The following NRXN1 variants were observed in gnomAD, a reference collection of about 807,000 sequenced individuals.
NRXN1 encodes the protein neurexin 1, also known as neurexin-1.
In NRXN1, 39 loss-of-function variants were observed where a neutral mutation model predicts 150.9. That is an observed-to-expected ratio of 0.26 (90% CI 0.20 to 0.34). NRXN1 has a LOEUF of 0.34. Among genes scored for constraint, NRXN1 ranks in the 10% least tolerant of loss-of-function variants. The pLI is 1.00. For synonymous variants in NRXN1, 924 were observed against 757.0 expected, an observed-to-expected ratio of 1.22 and a Z score of -3.62; for missense variants, 1,815 against 1,949.9, an observed-to-expected ratio of 0.93 and a Z score of 1.30.
At chr2:50,551,047 AGAG>A (rs1290526434) in intron 9 of NRXN1, among the ~76,000 whole-genome samples, 414 of 125,438 alleles carry the variant, frequency 3.3e-3, no homozygotes, top group East Asian at 0.01. Flanking sequence ...AGGAAGAGGA[AGAG>A]GAAGAAGAAG....
chr2:50,110,491 C>CAAAAAAAAAAAAA (rs5831088), intron 18 of NRXN1, among the ~76,000 whole-genome samples: 3 of 85,628 alleles, frequency 3.5e-5, no homozygotes, highest in African/African-American at 9.0e-5. Context: ...GACTCTGTCT[C>CAAAAAAAAAAAAA]AAAAAAAAAA....
chr2:50,718,168 A>G (rs1408444501), intron 5 of NRXN1, among the ~76,000 whole-genome samples: 1 of 152,198 alleles, frequency 6.6e-6, no homozygotes, highest in African/African-American at 2.4e-5. Flanking sequence ...TTTTTGAGCC[A>G]TGGTTTCAGA....
intron 5 of NRXN1, among the ~76,000 whole-genome samples, chr2:50,811,289 C>A (rs17569242): frequency 0.11 from 16,737 of 152,114 alleles, 1,185 homozygotes; most frequent in East Asian, 0.15. Context: ...CAGTTATTCA[C>A]ACACTTAAAT....
intron 5 of NRXN1, among the ~76,000 whole-genome samples, chr2:50,639,294 C>T (rs1337081013): frequency 6.7e-6 from 1 of 148,566 alleles, no homozygotes; most frequent in Non-Finnish European, 1.5e-5. Flanking sequence ...GATCTCAGCT[C>T]ATTGCAATCT....
intron 5 of NRXN1, among the ~76,000 whole-genome samples, chr2:50,756,608 T>C (rs973097512): frequency 6.6e-6 from 1 of 151,812 alleles, no homozygotes; most frequent in Non-Finnish European, 1.5e-5. Flanking sequence ...ATTATTTAGA[T>C]GGACAGAGCT....
intron 2 of NRXN1, among the ~76,000 whole-genome samples, chr2:50,952,882 T>C (rs1387260056): frequency 6.6e-6 from 1 of 152,222 alleles, no homozygotes. Context: ...TGGAAAAGTT[T>C]TGACCCATCA....
intron 12 of NRXN1, among the ~76,000 whole-genome samples, chr2:50,526,952 C>T (rs17536438): frequency 0.029 from 4,428 of 152,158 alleles, 78 homozygotes; most frequent in Admixed American, 0.038. Context: ...AAATGGCAAA[C>T]GAGTCTAACA....
intron 5 of NRXN1, among the ~76,000 whole-genome samples, chr2:50,777,671 T>C (rs1254257162): frequency 6.6e-6 from 1 of 152,110 alleles, no homozygotes; most frequent in East Asian, 1.9e-4. Flanking sequence ...GATATTCCAT[T>C]GAGTAAAATA....
At chr2:50,074,882 A>G (rs1277137942) in intron 19 of NRXN1, among the ~76,000 whole-genome samples, 2 of 152,194 alleles carry the variant, frequency 1.3e-5, no homozygotes, top group Admixed American at 1.3e-4. Flanking sequence ...GCTATACATG[A>G]AATACCTTAA....
chr2:50,384,517 A>AT (rs1214358625), intron 17 of NRXN1, among the ~76,000 whole-genome samples: 60 of 120,488 alleles, frequency 5.0e-4, no homozygotes, highest in Non-Finnish European at 8.1e-4. Flanking sequence ...AAAAAAAAAA[A>AT]AAAAAAAAAA....
chr2:49,972,780 C>T (rs192972820), intron 21 of NRXN1: 1 of 152,258 alleles, frequency 6.6e-6, no homozygotes. Context: ...GACATTCTGT[C>T]TCCTAATTAA....
chr2:50,024,398 C>G (rs1253920736), intron 21 of NRXN1, among the ~76,000 whole-genome samples: 2 of 152,098 alleles, frequency 1.3e-5, no homozygotes, highest in Non-Finnish European at 2.9e-5. Flanking sequence ...AAAAAGGTTT[C>G]CCCTTGGTCT....
intron 17 of NRXN1, among the ~76,000 whole-genome samples, chr2:50,421,675 C>A (rs914127223): frequency 1.3e-5 from 2 of 152,078 alleles, no homozygotes; most frequent in African/African-American, 2.4e-5. Flanking sequence ...TGACATCACC[C>A]ATATGCACTA....
At chr2:50,036,706 C>T (rs184875921) in intron 21 of NRXN1, among the ~76,000 whole-genome samples, 4 of 152,262 alleles carry the variant, frequency 2.6e-5, no homozygotes, top group East Asian at 1.9e-4. Context: ...CTTGCTTAAT[C>T]GGTGTGGCAA....
chr2:50,582,082 G>C (rs1368866959), intron 8 of NRXN1, among the ~76,000 whole-genome samples: 5 of 152,102 alleles, frequency 3.3e-5, no homozygotes, highest in African/African-American at 4.8e-5. Context: ...CACCAATTTA[G>C]TTTTGTTAAT....
intron 5 of NRXN1, among the ~76,000 whole-genome samples, chr2:50,868,213 T>C (rs1677248517): frequency 7.2e-6 from 1 of 139,424 alleles, no homozygotes; most frequent in Non-Finnish European, 1.6e-5. Flanking sequence ...AGGAATACTA[T>C]GCAGCCATAA....
intron 7 of NRXN1, among the ~76,000 whole-genome samples, chr2:50,620,417 G>A (rs1349073248): frequency 6.6e-6 from 1 of 152,044 alleles, no homozygotes; most frequent in Non-Finnish European, 1.5e-5. Context: ...ATCTAAACTA[G>A]TTAGAGAGTT....
chr2:50,771,668 A>C (rs1377690186), intron 5 of NRXN1, among the ~76,000 whole-genome samples: 3 of 152,146 alleles, frequency 2.0e-5, no homozygotes, highest in Non-Finnish European at 4.4e-5. Context: ...TTTTGGCTGG[A>C]ATCTTGGAAG....
At chr2:49,945,402 T>A (rs1465587363) in intron 21 of NRXN1, among the ~76,000 whole-genome samples, 5 of 151,692 alleles carry the variant, frequency 3.3e-5, no homozygotes, top group African/African-American at 9.7e-5. Context: ...TTTTTTTTTT[T>A]TTATTATACT....
Sources: allele counts gnomAD v4.1 joint callset (sites outside exome capture counted in the v4.1 genomes callset), GRCh38; gene constraint gnomAD v4.1.1; transcripts MANE v1.5; gene names NCBI Gene and HGNC (gene_info 2026-07-23, HGNC 2026-07-21).